PIK3C2G: variants seen among roughly 807,000 people sequenced by gnomAD.
PIK3C2G encodes the protein phosphatidylinositol-4-phosphate 3-kinase catalytic subunit type 2 gamma, also known as phosphatidylinositol 3-kinase C2 domain-containing subunit gamma.
A neutral mutation model predicts 181.1 loss-of-function variants in PIK3C2G; 168 were observed. The observed-to-expected ratio is 0.93, with a 90% confidence interval of 0.82 to 1.05. The LOEUF is 1.05. PIK3C2G is among the 50% of genes least tolerant of loss of function. PIK3C2G has a pLI of 0.00. For synonymous variants in PIK3C2G, 573 were observed against 592.2 expected (o/e 0.97, Z 0.47); for missense variants, 1,869 against 1,732.8 (o/e 1.08, Z -1.40).
rs568385278 is a variant in PIK3C2G at position 18,546,348 on chromosome 12, T to C, written c.3506T>C (p.Leu1169Pro). The change falls in exon 26 of 33, where the codon CTA becomes CCA. Residue 1169 changes from leucine (L) to proline (P), a missense_variant. Coordinates refer to ENST00000538779, the MANE Select transcript of PIK3C2G (RefSeq NM_001288772.2). ...EMMLYAGLPE[L>P]SGIQDLKYVY... ...ATGCTGTATGCAGGACTGCCTGAGC[T>C]AAGTGGAATTCAAGACCTGAAATAT... is the stretch of plus-strand genomic sequence containing the variant. 3.8e-6 allele frequency: 6 copies of C among 1,597,388 alleles called. No individual in the cohort carries two copies. The African/African-American group carries it at 4.0e-5, about 11-fold the overall frequency.
intron 29 of PIK3C2G, among the ~76,000 whole-genome samples, chr12:18,581,394 C>G (rs541516503): frequency 5.2e-4 from 79 of 152,174 alleles, no homozygotes; most frequent in African/African-American, 1.9e-3. Flanking sequence ...TCATTGATAC[C>G]AAAGGACAGT....
At chr12:18,435,640 T>C (rs1946402696) in intron 18 of PIK3C2G, among the ~76,000 whole-genome samples, 1 of 152,136 alleles carries the variant, frequency 6.6e-6, no homozygotes, top group African/African-American at 2.4e-5. Flanking sequence ...ATCTCCCACC[T>C]CATCTTGTAA....
chr12:18,324,145 CG>C (rs1426909332), intron 7 of PIK3C2G, among the ~76,000 whole-genome samples: 1 of 149,828 alleles, frequency 6.7e-6, no homozygotes, highest in African/African-American at 2.4e-5. Context: ...ACGTGAACCC[CG>C]GGGGGCGGAG....
At chr12:18,660,155 A>T in the PIK3C2G span, among the ~76,000 whole-genome samples, 1 of 152,214 alleles carries the variant, frequency 6.6e-6, no homozygotes, top group African/African-American at 2.4e-5. Context: ...GAGGACCTGG[A>T]TAGTAAATTT....
At chr12:18,723,540 G>C in the PIK3C2G span, 2 of 1,609,682 alleles carry the variant, frequency 1.2e-6, no homozygotes, top group Non-Finnish European at 1.7e-6. Context: ...GCCTGTCATT[G>C]TCCTACTAAA....
chr12:18,304,207 A>T (rs1029473738), intron 5 of PIK3C2G, among the ~76,000 whole-genome samples: 3 of 152,122 alleles, frequency 2.0e-5, no homozygotes, highest in Non-Finnish European at 4.4e-5. Flanking sequence ...TTTTCAAAAA[A>T]CTTCTATATT....
Position 18,381,849 on chromosome 12 carries a change from A to T in PIK3C2G, c.1964A>T (p.Asp655Val), listed in dbSNP as rs752024499. The change falls in exon 14 of 33, where the codon GAT becomes GTT. Residue 655 changes from aspartate to valine, a missense_variant. By Grantham distance (152) the Asp-to-Val change is radical. Coordinates refer to ENST00000538779, the MANE Select transcript of PIK3C2G (RefSeq NM_001288772.2). ...PVEMITPGVW[D>V]VSQPSPVTLQ... ...GAAATGATAACTCCAGGAGTGTGGG[A>T]TGTAAGTCAGCCATCCCCGGTGACC... 1 of 1,613,078 alleles carries T rather than the reference A, an allele frequency of 6.2e-7. No homozygotes were observed. Among genetic ancestry groups the T allele is most frequent in the Non-Finnish European group, 8.5e-7 (1 of 1,179,194 alleles).
chr12:18,568,444 AAAG>A (rs1483465147), intron 29 of PIK3C2G, among the ~76,000 whole-genome samples: 1 of 151,742 alleles, frequency 6.6e-6, no homozygotes, highest in African/African-American at 2.4e-5. Context: ...GAGAGAAAGA[AAAG>A]AAGAAATTTG....
chr12:18,244,414 A>G (rs1948018078), upstream of PIK3C2G, among the ~76,000 whole-genome samples: 2 of 151,968 alleles, frequency 1.3e-5, no homozygotes, highest in Non-Finnish European at 2.9e-5. Flanking sequence ...TTCTTGATAA[A>G]TTGCTTAAAA....
At chr12:18,693,379 T>C in the PIK3C2G span, 1 of 1,603,630 alleles carries the variant, frequency 6.2e-7, no homozygotes, top group East Asian at 2.2e-5. Context: ...AAGGAATCTG[T>C]GGAGCTTCCT....
chr12:18,654,210 T>C, the PIK3C2G span, among the ~76,000 whole-genome samples: 2 of 151,382 alleles, frequency 1.3e-5, no homozygotes, highest in Admixed American at 6.6e-5. Flanking sequence ...GTCAATATAC[T>C]CAGGTCCAAC....
chr12:18,362,232 GC>G (rs757918628), intron 11 of PIK3C2G, among the ~76,000 whole-genome samples: 7 of 152,134 alleles, frequency 4.6e-5, no homozygotes, highest in African/African-American at 7.2e-5. Flanking sequence ...GTTTTCAGTG[GC>G]CCCTAAACTG....
At chr12:18,290,118 C>T in intron 3 of PIK3C2G, among the ~76,000 whole-genome samples, 1 of 151,830 alleles carries the variant, frequency 6.6e-6, no homozygotes, top group Non-Finnish European at 1.5e-5. Context: ...TATTAATATC[C>T]ACCTCAGTAA....
chr12:18,360,595 G>T (rs986496225), intron 11 of PIK3C2G, among the ~76,000 whole-genome samples: 1 of 152,158 alleles, frequency 6.6e-6, no homozygotes, highest in African/African-American at 2.4e-5. Context: ...ACCTCATAAA[G>T]TATTTCTCTT....
Position 18,519,455 on chromosome 12 carries a change from A to G in PIK3C2G, c.3323+13994A>G, listed in dbSNP as rs1194800733. Among the ~76,000 whole-genome samples, 3 of 151,894 alleles carry G rather than the reference A, an allele frequency of 2.0e-5. 1 individual carries two copies. The highest frequency in any genetic ancestry group is 4.1e-4 in the South Asian group (2 of 4,820). On this transcript the variant is annotated intron_variant, in intron 24 of 32. Coordinates refer to ENST00000538779, the MANE Select transcript of PIK3C2G (RefSeq NM_001288772.2). The stretch of plus-strand genomic sequence containing the variant: ...TTAGCTCTTCTTGTTGAATTGATCC[A>G]TTTACCATTATGTAATGCCCTTCTT...
At chr12:18,638,490 T>C (rs1412183104) in intron 31 of PIK3C2G, among the ~76,000 whole-genome samples, 1 of 152,228 alleles carries the variant, frequency 6.6e-6, no homozygotes, top group Non-Finnish European at 1.5e-5. Context: ...GTAGACACTT[T>C]GTGAAGCTTG....
In PIK3C2G at chr12:18,299,279, G is replaced by C. The variant is rs1486931574; in HGVS notation, c.1034+5264G>C. Among the ~76,000 whole-genome samples the C allele has an allele frequency of 2.0e-5, 3 of 151,958 alleles. No individual in the cohort carries two copies. In the East Asian group the frequency reaches 5.8e-4, roughly 29 times the overall value. On this transcript the variant is annotated intron_variant, in intron 5 of 32. Transcript: ENST00000538779. ...ACCCCTTTGGTTAAGTTTACTCCTAGGGTTTTTCAGTGTGTGTGGCAGCTG... is the reference window on the plus strand; with the variant it reads ...ACCCCTTTGGTTAAGTTTACTCCTACGGTTTTTCAGTGTGTGTGGCAGCTG...
chr12:18,309,134 T>TA (rs75255113), intron 5 of PIK3C2G, among the ~76,000 whole-genome samples: 36 of 151,130 alleles, frequency 2.4e-4, no homozygotes, highest in East Asian at 7.8e-4. Flanking sequence ...ATGTGGAATA[T>TA]AAAAAAAAAT....
At chr12:18,297,034 C>T (rs1460148690) in intron 5 of PIK3C2G, among the ~76,000 whole-genome samples, 1 of 152,048 alleles carries the variant, frequency 6.6e-6, no homozygotes, top group African/African-American at 2.4e-5. Flanking sequence ...TGTCCAATAG[C>T]TTGATCCCAG....
Sources: gnomAD v4.1 joint callset for allele counts (sites outside exome capture counted in the v4.1 genomes callset) on GRCh38, gnomAD v4.1.1 for gene constraint, MANE v1.5 for transcripts, NCBI Gene and HGNC (gene_info 2026-07-23, HGNC 2026-07-21) for gene names.